ZWILCH: variants seen among roughly 807,000 people sequenced by gnomAD.
ZWILCH encodes protein zwilch homolog.
Under a neutral mutation model 79.9 loss-of-function variants are expected in ZWILCH, and 74 were observed. That is an observed-to-expected ratio of 0.93 (90% confidence interval 0.77 to 1.12). The LOEUF (loss-of-function observed/expected upper bound fraction) is 1.12. Among genes scored for constraint, ZWILCH ranks in the 50% most tolerant of loss-of-function variants. The pLI, the probability that ZWILCH is intolerant of heterozygous loss-of-function variation, is 0.00. For synonymous variants in ZWILCH, 241 were observed against 228.2 expected, an observed-to-expected ratio of 1.06 and a Z score of -0.51; for missense variants, 694 against 687.5, an observed-to-expected ratio of 1.01 and a Z score of -0.11.
rs143150424 is a variant in ZWILCH at position 66,548,603 on chromosome 15, G to C, written c.*279G>C. On this transcript the variant is annotated 3_prime_UTR_variant, in exon 19 of 19. Coordinates refer to ENST00000307897, the MANE Select transcript of ZWILCH (RefSeq NM_017975.5). Reference sequence around the variant, plus strand: ...ACCATTTGCATGTGACTTAGCAAGGGCTCTGAAATGACAAAGAGAACGAGC... The same window carrying C: ...ACCATTTGCATGTGACTTAGCAAGGCCTCTGAAATGACAAAGAGAACGAGC... 4,662 of 1,541,574 alleles carry C rather than the reference G, an allele frequency of 3.0e-3. 49 individuals are homozygous for C. The highest frequency in any genetic ancestry group is 2.2e-3 in the Non-Finnish European group (2,417 of 1,114,402).
intron 8 of ZWILCH, among the ~76,000 whole-genome samples, chr15:66,526,192 A>G (rs1489284878): frequency 3.7e-4 from 57 of 152,240 alleles, no homozygotes; most frequent in Non-Finnish European, 1.5e-5. Context: ...TCTTAACTAG[A>G]TCATGTCATT....
At chr15:66,512,070 T>G (rs1172212002) in intron 2 of ZWILCH, among the ~76,000 whole-genome samples, 2 of 152,178 alleles carry the variant, frequency 1.3e-5, no homozygotes, top group Non-Finnish European at 2.9e-5. Context: ...ATCAATTGTT[T>G]ATAATAGCAA....
In ZWILCH at chr15:66,515,592, T is replaced by G; in HGVS notation, c.268T>G (p.Phe90Val). The change falls in exon 4 of 19, where the codon TTC (phenylalanine) becomes GTC (valine). Residue 90 changes from phenylalanine to valine, a missense_variant. Transcript: ENST00000307897. ...ATCTGAAGAAACTGCCATATCTGAT[T>G]TCTCTACTGGCGAAAATGTTGGACC... ...LQSEETAISDFSTGENVGPLA... is the reference protein window; with the variant it reads ...LQSEETAISDVSTGENVGPLA... 1 of 1,613,738 alleles carries G rather than the reference T, an allele frequency of 6.2e-7. No individual in the cohort carries two copies. The highest frequency in any genetic ancestry group is 1.1e-5 in the South Asian group (1 of 90,912).
chr15:66,507,985 C>G (rs975795512), intron 1 of ZWILCH, among the ~76,000 whole-genome samples: 1 of 150,132 alleles, frequency 6.7e-6, no homozygotes, highest in African/African-American at 2.4e-5. Context: ...CTGAGTTATA[C>G]GTAAGACATA....
rs1895038116 is a variant in ZWILCH at position 66,537,101 on chromosome 15, G to A, written c.1479-67G>A. 7 of 1,266,386 alleles carry A rather than the reference G, an allele frequency of 5.5e-6. No individual in the cohort carries two copies. In the Admixed American group the frequency reaches 1.1e-4, roughly 20 times the overall value. The allele number at this position is 1,266,386 out of a possible 1,614,324, so 78.4% of individuals were successfully genotyped here. A position where few individuals can be genotyped will look rare whatever the true frequency, so the allele number is the denominator to read the frequency against. On this transcript the variant is annotated intron_variant, in intron 15 of 18. Transcript: ENST00000307897. Reference sequence around the variant, plus strand: ...TAAAATGTTTCCCTTACGAGCTTTAGACTACCAGAAAAACGTTATGTCAAA... The same window carrying A: ...TAAAATGTTTCCCTTACGAGCTTTAAACTACCAGAAAAACGTTATGTCAAA...
intron 12 of ZWILCH, 58 bp downstream of exon 12, chr15:66,529,631 C>A: frequency 1.5e-6 from 2 of 1,369,844 alleles, no homozygotes; most frequent in Non-Finnish European, 2.1e-6. Flanking sequence ...GATGTAAAGA[C>A]ACAGGCTCTG....
rs1225133092 is a variant in ZWILCH at position 66,548,573 on chromosome 15, C to A, written c.*249C>A. ...GAGCAGACAGTGGGTACCACGATCTCCGTAACCATTTGCATGTGACTTAGC... is the reference window on the plus strand; with the variant it reads ...GAGCAGACAGTGGGTACCACGATCTACGTAACCATTTGCATGTGACTTAGC... On this transcript the variant is annotated 3_prime_UTR_variant, in exon 19 of 19. Transcript: ENST00000307897. 2 of 1,612,408 alleles carry A rather than the reference C, an allele frequency of 1.2e-6. No homozygotes were observed. Among genetic ancestry groups the A allele is most frequent in the South Asian group, 2.2e-5 (2 of 91,018 alleles).
At chr15:66,506,975 G>C (rs918069450) in intron 1 of ZWILCH, among the ~76,000 whole-genome samples, 1 of 151,582 alleles carries the variant, frequency 6.6e-6, no homozygotes, top group Non-Finnish European at 1.5e-5. Context: ...TCCTGCCTCA[G>C]CCTCCCGAGT....
At position 66,535,878 on chromosome 15, in the gene ZWILCH, C is replaced by T. The variant is rs946531284; in HGVS notation, c.1342-55C>T. On this transcript the variant is annotated intron_variant, in intron 14 of 18. Coordinates refer to ENST00000307897, the MANE Select transcript of ZWILCH (RefSeq NM_017975.5). Reference sequence around the variant, plus strand: ...GTAGAAGGCATACCTATATTCTTTACAAAGGTTACACAGGTGCTTTAAATC... The same window carrying T: ...GTAGAAGGCATACCTATATTCTTTATAAAGGTTACACAGGTGCTTTAAATC... 6.0e-6 allele frequency: 9 copies of T among 1,498,618 alleles called. No homozygotes were observed. The African/African-American group carries it at 1.3e-4, about 21-fold the overall frequency. The allele number at this position is 1,498,618 out of a possible 1,614,324, so 92.8% of individuals were successfully genotyped here.
chr15:66,528,684 T>C (rs2140782597), intron 10 of ZWILCH, among the ~76,000 whole-genome samples, 168 bp from the exon 11 acceptor site: 1 of 152,368 alleles, frequency 6.6e-6, no homozygotes, highest in East Asian at 1.9e-4. Flanking sequence ...GGTCTTGTTT[T>C]TCACTGTTGA....
chr15:66,513,192 A>G (rs1025210372), intron 2 of ZWILCH, among the ~76,000 whole-genome samples: 10 of 152,168 alleles, frequency 6.6e-5, no homozygotes, highest in African/African-American at 2.4e-4. Context: ...CGGCCTCCCA[A>G]AGTGCTGGGA....
chr15:66,526,318 T>C (rs1226089459), intron 8 of ZWILCH, among the ~76,000 whole-genome samples: 1 of 152,192 alleles, frequency 6.6e-6, no homozygotes, highest in Non-Finnish European at 1.5e-5. Context: ...CGCTGCTTCA[T>C]AGTCGCTTTT....
At chr15:66,532,866 A>T in intron 13 of ZWILCH, 119 bp from the exon 14 acceptor site, 1 of 688,004 alleles carries the variant, frequency 1.5e-6, no homozygotes, top group Admixed American at 3.9e-5. Context: ...ATTTATATAG[A>T]TTCCTTAATA....
chr15:66,522,720 T>G (rs1259757959), intron 7 of ZWILCH, among the ~76,000 whole-genome samples: 2 of 152,216 alleles, frequency 1.3e-5, no homozygotes, highest in African/African-American at 2.4e-5. Flanking sequence ...AGAAAAAGTA[T>G]AAATTATTTA....
At chr15:66,536,291 A>T (rs1895015695) in intron 15 of ZWILCH, among the ~76,000 whole-genome samples, 1 of 152,196 alleles carries the variant, frequency 6.6e-6, no homozygotes, top group Admixed American at 6.5e-5. Context: ...CTTCCTTAGG[A>T]AGTTTCCATC....
In ZWILCH at chr15:66,550,001, T is replaced by A. The variant is rs1895536617; in HGVS notation, c.*1677T>A. On this transcript the variant is annotated 3_prime_UTR_variant, in exon 19 of 19. Transcript: ENST00000307897. ...GAAAATGATATGTATAATTATTTAG[T>A]TTAATTATTAAAGGAAAACATTGAA... The A allele has an allele frequency of 7.3e-7, 1 of 1,370,854 alleles. No individual in the cohort carries two copies. The highest frequency in any genetic ancestry group is 2.2e-5 in the Admixed American group (1 of 44,940). 84.9% of individuals were successfully genotyped at this position (1,370,854 alleles called of 1,614,324 possible).
At chr15:66,536,180 G>C in intron 15 of ZWILCH, 111 bp downstream of exon 15, 1 of 914,078 alleles carries the variant, frequency 1.1e-6, no homozygotes, top group Non-Finnish European at 1.6e-6. Flanking sequence ...TCTTCATCCT[G>C]TCTTTACAGT....
chr15:66,544,652 A>G (rs115095811), intron 17 of ZWILCH, among the ~76,000 whole-genome samples: 2,859 of 151,678 alleles, frequency 0.019, 86 homozygotes, highest in African/African-American at 0.067. Flanking sequence ...CAAAAGGACA[A>G]TTTTAAAGAC....
intron 1 of ZWILCH, among the ~76,000 whole-genome samples, chr15:66,506,248 A>G (rs974762836): frequency 6.6e-6 from 1 of 152,174 alleles, no homozygotes; most frequent in African/African-American, 2.4e-5. Context: ...AACGTTTTGA[A>G]TAGAAAGAGC....
Sources: allele counts gnomAD v4.1 joint callset (sites outside exome capture counted in the v4.1 genomes callset), GRCh38; gene constraint gnomAD v4.1.1; transcripts MANE v1.5; gene names NCBI Gene and HGNC (gene_info 2026-07-23, HGNC 2026-07-21).